The following GTPBP1 variants were observed in gnomAD, a reference collection of about 807,000 sequenced individuals.
The protein encoded by GTPBP1 is GTP-binding protein 1.
In GTPBP1, 23 loss-of-function variants were observed where a neutral mutation model predicts 62.0. That is an observed-to-expected ratio of 0.37 (90% CI 0.27 to 0.53). GTPBP1 has a LOEUF of 0.53. Among genes scored for constraint, GTPBP1 ranks in the 20% least tolerant of loss-of-function variants. GTPBP1 has a pLI of 0.89. For synonymous variants in GTPBP1, 344 were observed against 364.4 expected, an observed-to-expected ratio of 0.94 and a Z score of 0.64; for missense variants, 640 against 917.3, an observed-to-expected ratio of 0.70 and a Z score of 3.90.
chr22:38,726,088 C>T lies in GTPBP1; in HGVS notation c.1156C>T (p.Arg386Cys), dbSNP rs759324893. ...LKMFLNLLSP[R>C]TSYREEEPAE... Reference sequence around the variant, plus strand: ...GATGTTCCTCAACCTCCTCTCCCCCCGCACCAGCTACAGGGAGGAGGAGCC... The same window carrying T: ...GATGTTCCTCAACCTCCTCTCCCCCTGCACCAGCTACAGGGAGGAGGAGCC... The change falls in exon 7 of 12, where the codon CGC becomes TGC. Residue 386 changes from arginine (R) to cysteine (C), a missense_variant. Around this residue, in one of 4 missense-constraint regions of GTPBP1, gnomAD observed 220 missense variants for 358.1 expected, o/e 0.61. Transcript: ENST00000216044. This position sits in a 1 kb window ranked among gnomAD's most constrained non-coding sequence, Gnocchi z 4.1. The T allele has an allele frequency of 3.3e-5, 54 of 1,613,804 alleles. No individual in the cohort carries two copies. The highest frequency in any genetic ancestry group is 4.2e-5 in the Non-Finnish European group (50 of 1,179,854).
At chr22:38,735,273 G>C (rs935523946), downstream of GTPBP1, 3 of 455,392 alleles carry the variant, frequency 6.6e-6, no homozygotes, top group Non-Finnish European at 1.3e-5. Context: ...AGAGCCCAAG[G>C]GGGCAGCCTG....
chr22:38,710,120 T>G (rs2092629806), intron 2 of GTPBP1, among the ~76,000 whole-genome samples: 1 of 152,260 alleles, frequency 6.6e-6, no homozygotes, highest in South Asian at 2.1e-4. Flanking sequence ...TGGGCCTGGA[T>G]GCATCATTAA....
In GTPBP1 at chr22:38,705,998, C is replaced by A; in HGVS notation, c.43C>A (p.Pro15Thr). Residue 15 changes from proline to threonine, a missense_variant, in exon 1 of 12, where the codon CCG becomes ACG. By Grantham distance (38) the Pro-to-Thr change is conservative. Transcript: ENST00000216044. ...TCGCTCCGCGATGGACTCGCCGGTC[C>A]CGGCCTCTATGTTCGCCCCCGAGCC... ...RSRSAMDSPVPASMFAPEPSS... is the reference protein window; with the variant it reads ...RSRSAMDSPVTASMFAPEPSS... The A allele has an allele frequency of 6.8e-7, 1 of 1,460,474 alleles. No individual in the cohort carries two copies. Among genetic ancestry groups the A allele is most frequent in the South Asian group, 1.3e-5 (1 of 78,166 alleles). The allele number at this position is 1,460,474 out of a possible 1,614,324, so 90.5% of individuals were successfully genotyped here.
chr22:38,742,248 C>T (rs73157183), downstream of GTPBP1: 9,142 of 1,530,812 alleles, frequency 6.0e-3, 43 homozygotes, highest in Non-Finnish European at 7.1e-3. Flanking sequence ...GGCACCTTCA[C>T]GCTTTCCTAT....
At chr22:38,724,211 A>T in intron 5 of GTPBP1, 86 bp from the exon 6 acceptor site, 1 of 758,268 alleles carries the variant, frequency 1.3e-6, no homozygotes, top group Non-Finnish European at 2.4e-6. Flanking sequence ...TGCTTGCATC[A>T]GTAATGAGTG....
At chr22:38,721,906 G>A in intron 5 of GTPBP1, 41 bp downstream of exon 5, 1 of 1,511,600 alleles carries the variant, frequency 6.6e-7, no homozygotes, top group Non-Finnish European at 9.0e-7. Context: ...CTCTGATTGG[G>A]GCTGTCACCT....
At chr22:38,739,274 G>A (rs1569295492), downstream of GTPBP1, 5 of 1,538,474 alleles carry the variant, frequency 3.2e-6, no homozygotes, top group Non-Finnish European at 4.5e-6. The surrounding 1 kb of genome is among the most constrained non-coding windows in gnomAD (Gnocchi z 6.7). Context: ...CACCAACCTG[G>A]TAGATGCCAG....
At chr22:38,724,264 T>C in intron 5 of GTPBP1, 33 bp from the exon 6 acceptor site, 1 of 1,247,822 alleles carries the variant, frequency 8.0e-7, no homozygotes, top group Non-Finnish European at 1.2e-6. Flanking sequence ...GAAGGCTGTG[T>C]CCCCCTAATT....
intron 5 of GTPBP1, 60 bp from the exon 6 acceptor site, chr22:38,724,237 T>C: frequency 9.9e-7 from 1 of 1,009,654 alleles, no homozygotes; most frequent in Non-Finnish European, 1.6e-6. Context: ...ATCTTGCTCT[T>C]AAAGCCTGGC....
In GTPBP1 at chr22:38,730,983, T is replaced by C. The variant is rs2092755530; in HGVS notation, c.*279T>C. 1 of 454,002 alleles carries C rather than the reference T, an allele frequency of 2.2e-6. No homozygotes were observed. 28.1% of individuals were successfully genotyped at this position (454,002 alleles called of 1,614,324 possible). A position where few individuals can be genotyped will look rare whatever the true frequency, so the allele number is the denominator to read the frequency against. On this transcript the variant is annotated 3_prime_UTR_variant, in exon 12 of 12. Transcript: ENST00000216044. The surrounding 1 kb of genome is among the most constrained non-coding windows in gnomAD (Gnocchi z 5.6). ...ATCTGGGCCCTTAGTTTTTATTCTGTTTATTATATGTCTCTGTCTCTCTCT... is the reference window on the plus strand; with the variant it reads ...ATCTGGGCCCTTAGTTTTTATTCTGCTTATTATATGTCTCTGTCTCTCTCT...
At chr22:38,738,088 G>T, downstream of GTPBP1, 1 of 1,215,316 alleles carries the variant, frequency 8.2e-7, no homozygotes, top group Non-Finnish European at 1.2e-6. The surrounding 1 kb of genome is among the most constrained non-coding windows in gnomAD (Gnocchi z 6.6). Context: ...TGAACCCCAT[G>T]CCTGGCAGGG....
chr22:38,730,487 A>G lies in GTPBP1; in HGVS notation c.1918-125A>G. On this transcript the variant is annotated intron_variant, in intron 11 of 11. Transcript: ENST00000216044. The surrounding 1 kb of genome is among the most constrained non-coding windows in gnomAD (Gnocchi z 5.6). ...GACCCAGTAAATTCCTGGTCAGGCT[A>G]GGGTGAGGACCACGCAGCCTGCTCA... The G allele has an allele frequency of 1.5e-6, 1 of 688,374 alleles. No individual in the cohort carries two copies. Among genetic ancestry groups the G allele is most frequent in the South Asian group, 1.6e-5 (1 of 61,708 alleles). The allele number at this position is 688,374 out of a possible 1,614,324, so 42.6% of individuals were successfully genotyped here. A position where few individuals can be genotyped will look rare whatever the true frequency, so the allele number is the denominator to read the frequency against.
downstream of GTPBP1, chr22:38,738,841 AGCCCCCGCTGCTGTGCTTGCCAGGT>A: frequency 1.3e-6 from 2 of 1,595,374 alleles, no homozygotes; most frequent in Non-Finnish European, 1.7e-6. The surrounding 1 kb of genome is among the most constrained non-coding windows in gnomAD (Gnocchi z 6.6). Flanking sequence ...GTGTGCTCAG[AGCCCCCGCTGCTGTGCTTGCCAGGT>A]GCCCACCTGG....
At chr22:38,721,093 G>T (rs1045837154) in intron 4 of GTPBP1, among the ~76,000 whole-genome samples, 2 of 151,980 alleles carry the variant, frequency 1.3e-5, no homozygotes, top group East Asian at 3.9e-4. Flanking sequence ...TTTGTAGGGT[G>T]GGGGAAACAG....
At chr22:38,722,660 T>C in intron 5 of GTPBP1, 1 of 1,531,528 alleles carries the variant, frequency 6.5e-7, no homozygotes, top group South Asian at 1.2e-5. Context: ...CTTCTACAGA[T>C]AATCATCTAT....
chr22:38,742,254 C>T (rs1379853494), downstream of GTPBP1: 1 of 1,544,594 alleles, frequency 6.5e-7, no homozygotes, highest in Non-Finnish European at 8.8e-7. Context: ...TTCACGCTTT[C>T]CTATGGGTGT....
At chr22:38,723,831 C>A (rs866536597) in intron 5 of GTPBP1, among the ~76,000 whole-genome samples, 1 of 152,240 alleles carries the variant, frequency 6.6e-6, no homozygotes, top group African/African-American at 2.4e-5. Flanking sequence ...AGCCTTCATG[C>A]CTTTCTCCCT....
At position 38,716,608 on chromosome 22, in the gene GTPBP1, A is replaced by G. The variant is rs1189852778; in HGVS notation, c.486-44A>G. ...TTATGATGGTCGCTCCACCTCACTC[A>G]TTCACTAACTCTCACATAGATGTAT... On this transcript the variant is annotated intron_variant, in intron 3 of 11. Transcript: ENST00000216044. The surrounding 1 kb of genome is among the most constrained non-coding windows in gnomAD (Gnocchi z 5.2). 1 of 1,414,200 alleles carries G rather than the reference A, an allele frequency of 7.1e-7. No individual in the cohort carries two copies. Among genetic ancestry groups the G allele is most frequent in the Non-Finnish European group, 9.8e-7 (1 of 1,016,440 alleles). 87.6% of individuals were successfully genotyped at this position (1,414,200 alleles called of 1,614,324 possible). A position where few individuals can be genotyped will look rare whatever the true frequency, so the allele number is the denominator to read the frequency against.
chr22:38,742,624 C>T (rs1275475416), downstream of GTPBP1: 18 of 1,524,586 alleles, frequency 1.2e-5, no homozygotes, highest in African/African-American at 2.7e-5. Flanking sequence ...AAGACCACCC[C>T]GACACAGCCA....
Sources: allele counts gnomAD v4.1 joint callset (sites outside exome capture counted in the v4.1 genomes callset), GRCh38; gene constraint gnomAD v4.1.1; regional missense constraint gnomAD v4.1.1; non-coding constraint Gnocchi (gnomAD v3.1); transcripts MANE v1.5; gene names NCBI Gene and HGNC (gene_info 2026-07-23, HGNC 2026-07-21).